Variants in ALDH9A1 observed in about 807,000 individuals in gnomAD.
The protein encoded by ALDH9A1 is 4-trimethylaminobutyraldehyde dehydrogenase.
In ALDH9A1, 42 loss-of-function variants were observed where a neutral mutation model predicts 56.6. The ratio of observed to expected loss-of-function variants is 0.74; its 90% CI spans 0.58 to 0.96. ALDH9A1 has a LOEUF of 0.96. Ranked by LOEUF, ALDH9A1 falls within the 40% of genes least tolerant of loss-of-function variation. ALDH9A1 has a pLI of 0.00. For synonymous variants in ALDH9A1, 242 were observed against 236.0 expected, an observed-to-expected ratio of 1.03 and a Z score of -0.23; for missense variants, 661 against 651.5, an observed-to-expected ratio of 1.01 and a Z score of -0.16.
chr1:165,686,301 A>C (rs1179863956), intron 2 of ALDH9A1, among the ~76,000 whole-genome samples: 2 of 152,098 alleles, frequency 1.3e-5, no homozygotes, highest in Non-Finnish European at 2.9e-5. Context: ...GGGAGGAGGA[A>C]GCTAGGTGGC....
At chr1:165,675,112 T>C (rs1014029158) in intron 6 of ALDH9A1, among the ~76,000 whole-genome samples, 6 of 152,124 alleles carry the variant, frequency 3.9e-5, no homozygotes, top group African/African-American at 1.4e-4. Flanking sequence ...GGAGAATCGC[T>C]TGAGCTCCAG....
At chr1:165,689,642 A>C (rs1260292661) in intron 2 of ALDH9A1, among the ~76,000 whole-genome samples, 1 of 152,138 alleles carries the variant, frequency 6.6e-6, no homozygotes, top group Non-Finnish European at 1.5e-5. Flanking sequence ...CTTTGAAAAC[A>C]AAAAAACTAG....
At chr1:165,670,278 TA>T (rs1213880379) in intron 6 of ALDH9A1, among the ~76,000 whole-genome samples, 2 of 151,784 alleles carry the variant, frequency 1.3e-5, no homozygotes, top group East Asian at 3.9e-4. Flanking sequence ...ACAAAAAACA[TA>T]AAAATTAGTT....
intron 2 of ALDH9A1, among the ~76,000 whole-genome samples, chr1:165,694,900 G>A (rs1274977632): frequency 6.6e-6 from 1 of 150,376 alleles, no homozygotes; most frequent in South Asian, 2.1e-4. Context: ...AGGTTGCAGT[G>A]AGCCGAGATC....
intron 1 of ALDH9A1, among the ~76,000 whole-genome samples, chr1:165,697,764 C>A (rs554467650): frequency 1.3e-5 from 2 of 152,294 alleles, no homozygotes; most frequent in African/African-American, 4.8e-5. Context: ...CTTGGTGGCT[C>A]ACGGCTGTAA....
intron 10 of ALDH9A1, among the ~76,000 whole-genome samples, chr1:165,664,746 C>T (rs991432308): frequency 6.6e-5 from 10 of 152,180 alleles, no homozygotes; most frequent in African/African-American, 2.4e-4. Context: ...ATTCTACCCA[C>T]AAGATAAACC....
At chr1:165,671,334 G>A (rs529476633) in intron 6 of ALDH9A1, 2 of 398,380 alleles carry the variant, frequency 5.0e-6, no homozygotes, top group Admixed American at 5.7e-5. Flanking sequence ...CACTGAAGTG[G>A]GGTTGCTGAA....
At chr1:165,677,244 G>A (rs1485899147) in intron 6 of ALDH9A1, among the ~76,000 whole-genome samples, 5 of 152,122 alleles carry the variant, frequency 3.3e-5, no homozygotes, top group African/African-American at 1.2e-4. Context: ...GTGGTGGTGT[G>A]CTACACTGGA....
At chr1:165,690,935 G>C (rs1473545119) in intron 2 of ALDH9A1, among the ~76,000 whole-genome samples, 1 of 152,230 alleles carries the variant, frequency 6.6e-6, no homozygotes, top group East Asian at 1.9e-4. Context: ...TCTGGCGGCA[G>C]GGCATAGCTG....
In ALDH9A1 at chr1:165,695,521, A is replaced by C. The variant is rs1190398137; in HGVS notation, c.182-124T>G. The C allele has an allele frequency of 6.6e-6, 6 of 915,312 alleles. No homozygotes were observed. In the South Asian group the frequency reaches 1.3e-4, roughly 20 times the overall value. 56.7% of individuals were successfully genotyped at this position (915,312 alleles called of 1,614,324 possible). A position where few individuals can be genotyped will look rare whatever the true frequency, so the allele number is the denominator to read the frequency against. ...TTTTTTTTTTTTTTTCTTGAGATGG[A>C]GTCTTGCTCTGTCACCCAGGCTGGA... is the stretch of plus-strand genomic sequence containing the variant. On this transcript the variant is annotated intron_variant, in intron 1 of 10. Transcript: ENST00000354775.
intron 2 of ALDH9A1, among the ~76,000 whole-genome samples, chr1:165,690,644 G>A (rs544939415): frequency 1.3e-5 from 2 of 152,128 alleles, no homozygotes; most frequent in Non-Finnish European, 2.9e-5. Context: ...CTGGGAAATC[G>A]GGACACTCCC....
In ALDH9A1 at chr1:165,695,329, C is replaced by G; in HGVS notation, c.250G>C (p.Ala84Pro). 6.2e-7 allele frequency: 1 copy of G among 1,613,250 alleles called. No individual in the cohort carries two copies. The highest frequency in any genetic ancestry group is 8.5e-7 in the Non-Finnish European group (1 of 1,179,636). The change falls in exon 2 of 11, where the codon GCT (alanine) becomes CCT (proline). Residue 84 changes from alanine (A) to proline (P), a missense_variant. Coordinates refer to ENST00000354775, the MANE Select transcript of ALDH9A1 (RefSeq NM_000696.4). ...TTTTGACTCCATATTTTAAAAGCAG[C>G]CTTTGCATTTTGAACAGCCAAATTT... Reference protein sequence around the residue: ...EVNLAVQNAKAAFKIWSQKSG... With the variant: ...EVNLAVQNAKPAFKIWSQKSG...
rs1408992024 is a variant in ALDH9A1, at chr1:165,695,415, A to G, written c.182-18T>C. 3.8e-6 allele frequency: 6 copies of G among 1,578,272 alleles called. No homozygotes were observed. The highest frequency in any genetic ancestry group is 1.4e-5 in the African/African-American group (1 of 72,406). On this transcript the variant is annotated intron_variant, in intron 1 of 10. Coordinates refer to ENST00000354775, the MANE Select transcript of ALDH9A1 (RefSeq NM_000696.4). ...CACTCGGCCTATAAAGAGCGGAAAC[A>G]TCAGTTTTAACTCAAATTGTTGCCA...
At chr1:165,690,724 T>A in intron 2 of ALDH9A1, among the ~76,000 whole-genome samples, 1 of 152,168 alleles carries the variant, frequency 6.6e-6, no homozygotes, top group East Asian at 1.9e-4. Context: ...TGCAGCTGGC[T>A]CGGCGGGTCC....
chr1:165,676,576 G>T, intron 6 of ALDH9A1: 1 of 264,838 alleles, frequency 3.8e-6, no homozygotes, highest in Non-Finnish European at 7.3e-6. Context: ...GAATTAACGT[G>T]CACATTGAGC....
At chr1:165,680,348 G>A (rs539144188) in intron 5 of ALDH9A1, 139 bp downstream of exon 5, 5 of 884,590 alleles carry the variant, frequency 5.7e-6, no homozygotes, top group South Asian at 4.8e-5. Flanking sequence ...TCACACCTCT[G>A]CCTAATAAAA....
intron 10 of ALDH9A1, among the ~76,000 whole-genome samples, chr1:165,664,508 C>G (rs1281697173): frequency 6.6e-6 from 1 of 152,132 alleles, no homozygotes; most frequent in Non-Finnish European, 1.5e-5. Context: ...TCCTATATGC[C>G]ATCAAGGGTA....
In ALDH9A1 at chr1:165,667,406, C is replaced by T. The variant is rs1458130499; in HGVS notation, c.1252G>A (p.Gly418Arg). 6.2e-7 allele frequency: 1 copy of T among 1,614,056 alleles called. No individual in the cohort carries two copies. The highest frequency in any genetic ancestry group is 2.2e-5 in the East Asian group (1 of 44,886). The stretch of plus-strand genomic sequence containing the variant: ...AATGATAAAATGGACATAACAGGCC[C>T]AAAGATCTCTTCCTTCACACAGGTC... ...DMTCVKEEIFGPVMSILSFDT... is the reference protein window; with the variant it reads ...DMTCVKEEIFRPVMSILSFDT... Residue 418 changes from glycine (G) to arginine (R), a missense_variant, in exon 9 of 11, where the codon GGG (glycine) becomes AGG (arginine). By Grantham distance (125) the Gly-to-Arg change is moderately radical. Coordinates refer to ENST00000354775, the MANE Select transcript of ALDH9A1 (RefSeq NM_000696.4).
chr1:165,685,254 A>C lies in ALDH9A1; in HGVS notation c.328-2144T>G, dbSNP rs142252161. 5.9e-5 allele frequency among the ~76,000 whole-genome samples: 9 copies of C among 152,294 alleles called. No homozygotes were observed. The East Asian group carries it at 1.4e-3, about 23-fold the overall frequency. On this transcript the variant is annotated intron_variant, in intron 2 of 10. Coordinates refer to ENST00000354775, the MANE Select transcript of ALDH9A1 (RefSeq NM_000696.4). ...GTGTTCACTGGGATGAAAGATTAGA[A>C]GCCAAGAGTAGGTCCCTCACTTCTC...
Sources: gnomAD v4.1 joint callset for allele counts (sites outside exome capture counted in the v4.1 genomes callset) on GRCh38, gnomAD v4.1.1 for gene constraint, MANE v1.5 for transcripts, NCBI Gene and HGNC (gene_info 2026-07-23, HGNC 2026-07-21) for gene names.